SH3BGR: variants seen among roughly 807,000 people sequenced by gnomAD.
The protein encoded by SH3BGR is SH3 domain binding glutamate rich protein.
Under a neutral mutation model 24.5 loss-of-function variants are expected in SH3BGR, and 29 were observed. The ratio of observed to expected loss-of-function variants is 1.18; its 90% CI spans 0.88 to 1.61. SH3BGR has a LOEUF of 1.61. Among genes scored for constraint, SH3BGR ranks in the 40% most tolerant of loss-of-function variants. The pLI is 0.00. For missense variants in SH3BGR, 162 were observed against 205.8 expected (o/e 0.79, Z 1.30); for synonymous variants, 55 against 65.7 (o/e 0.84, Z 0.79).
chr21:39,451,791 G>C, upstream of SH3BGR: 1 of 1,156,936 alleles, frequency 8.6e-7, no homozygotes. Flanking sequence ...TTTAGGGACT[G>C]TTGTCGCGCG....
At chr21:39,505,871 G>T (rs928705797) in intron 4 of SH3BGR, among the ~76,000 whole-genome samples, 41 of 152,224 alleles carry the variant, frequency 2.7e-4, no homozygotes, top group African/African-American at 9.6e-4. Flanking sequence ...CTAGCTCTAC[G>T]GTTGACAGTA....
At chr21:39,480,001 C>T (rs1261120752) in intron 3 of SH3BGR, among the ~76,000 whole-genome samples, 2 of 152,140 alleles carry the variant, frequency 1.3e-5, no homozygotes, top group African/African-American at 4.8e-5. Flanking sequence ...TTTTCAGCTT[C>T]TCATGATTAA....
chr21:39,465,609 A>G lies in SH3BGR; in HGVS notation c.231+3049A>G, dbSNP rs188274200. On this transcript the variant is annotated intron_variant, in intron 2 of 6. Transcript: ENST00000333634. The stretch of plus-strand genomic sequence containing the variant: ...TGCTTATTTTATTTGTTTTAATTTT[A>G]TGATAGGGTCTCACTGTGTCACCCA... Among the ~76,000 whole-genome samples the G allele has an allele frequency of 2.7e-3, 414 of 152,098 alleles. 2 individuals are homozygous for G. Among genetic ancestry groups the G allele is most frequent in the African/African-American group, 9.0e-3 (374 of 41,490 alleles).
intron 3 of SH3BGR, chr21:39,488,736 C>T (rs1012999923): frequency 2.4e-5 from 11 of 452,842 alleles, no homozygotes; most frequent in East Asian, 1.3e-4. Flanking sequence ...TGCTGGCGGC[C>T]GGGCATGAGG....
rs147055846 is a variant in SH3BGR, at chr21:39,487,405, A to G, written c.312+12190A>G. On this transcript the variant is annotated intron_variant, in intron 3 of 6. Transcript: ENST00000333634. ...TGATCCTCCCACCCCAGCCTCCCAAAGTGCTGGGATTATATACAGGTGTGA... is the reference window on the plus strand; with the variant it reads ...TGATCCTCCCACCCCAGCCTCCCAAGGTGCTGGGATTATATACAGGTGTGA... Among the ~76,000 whole-genome samples, 400 of 152,248 alleles carry G rather than the reference A, an allele frequency of 2.6e-3. 3 individuals carry two copies. Among genetic ancestry groups the G allele is most frequent in the African/African-American group, 9.0e-3 (372 of 41,534 alleles).
At chr21:39,504,922 T>C (rs1569174710) in intron 4 of SH3BGR, among the ~76,000 whole-genome samples, 2 of 152,146 alleles carry the variant, frequency 1.3e-5, no homozygotes, top group Non-Finnish European at 2.9e-5. Flanking sequence ...GAGTGATTCT[T>C]CCACGTCAGC....
intron 1 of SH3BGR, among the ~76,000 whole-genome samples, chr21:39,456,721 T>C (rs2077660888): frequency 6.6e-6 from 1 of 152,300 alleles, no homozygotes; most frequent in Admixed American, 6.5e-5. Flanking sequence ...TCCTGGGGAA[T>C]TACCAGAGTC....
At chr21:39,499,277 T>C (rs1338546111) in intron 3 of SH3BGR, among the ~76,000 whole-genome samples, 3 of 152,142 alleles carry the variant, frequency 2.0e-5, no homozygotes, top group Admixed American at 2.0e-4. Context: ...TGTCTATCTA[T>C]CTATGTCTGT....
At chr21:39,452,849 A>G (rs2077596287) in intron 1 of SH3BGR, among the ~76,000 whole-genome samples, 1 of 152,192 alleles carries the variant, frequency 6.6e-6, no homozygotes, top group African/African-American at 2.4e-5. Flanking sequence ...AGGGGTGATG[A>G]AGTGACACAT....
rs201195965 is a variant in SH3BGR at position 39,499,795 on chromosome 21, T to G, written c.313-28T>G. ...TTTTTTCTTTTTTCTGTTTTTGAGC[T>G]CATATCCTGGGTTTCCTTTATGACC... is the stretch of plus-strand genomic sequence containing the variant. On this transcript the variant is annotated intron_variant, in intron 3 of 6. Transcript: ENST00000333634. 35 of 1,537,234 alleles carry G rather than the reference T, an allele frequency of 2.3e-5. No homozygotes were observed. In the African/African-American group the frequency reaches 3.9e-4, roughly 17 times the overall value.
chr21:39,464,921 A>C (rs2077815602), intron 2 of SH3BGR, among the ~76,000 whole-genome samples: 2 of 152,178 alleles, frequency 1.3e-5, no homozygotes, highest in Admixed American at 1.3e-4. Context: ...ATATATGCCC[A>C]CTGAAAAATT....
chr21:39,479,241 G>GTGA lies in SH3BGR; in HGVS notation c.312+4028_312+4029insATG, dbSNP rs1459674379. Among the ~76,000 whole-genome samples the GTGA allele has an allele frequency of 7.9e-3, 1,168 of 147,588 alleles. 18 individuals are homozygous for GTGA. Among genetic ancestry groups the GTGA allele is most frequent in the African/African-American group, 0.027 (1,103 of 40,512 alleles). ...GGTGGTAAGGGTGGTGGTGGTGGTG[G>GTGA]TGGTGGTGGTGGTGGTGATGGTAGT... On this transcript the variant is annotated intron_variant, in intron 3 of 6. Coordinates refer to ENST00000333634, the MANE Select transcript of SH3BGR (RefSeq NM_007341.3).
chr21:39,499,329 CGTCT>C (rs1042502056), intron 3 of SH3BGR, among the ~76,000 whole-genome samples: 17 of 145,356 alleles, frequency 1.2e-4, no homozygotes, highest in South Asian at 4.2e-4. Context: ...TCCATTCCTC[CGTCT>C]GTCTGTCTGT....
intron 3 of SH3BGR, among the ~76,000 whole-genome samples, chr21:39,492,466 G>GTGTGTATATATATA (rs1404293146): frequency 1.1e-4 from 16 of 139,784 alleles, no homozygotes; most frequent in African/African-American, 4.3e-4. Flanking sequence ...GTGTGTGTGT[G>GTGTGTATATATATA]TATATATATA....
intron 4 of SH3BGR, among the ~76,000 whole-genome samples, chr21:39,507,227 G>A (rs576168251): frequency 1.3e-5 from 2 of 152,318 alleles, no homozygotes; most frequent in East Asian, 1.9e-4. Flanking sequence ...TTCAGTGCCC[G>A]TCTCAGAAAT....
At chr21:39,461,817 A>G (rs1315563704) in intron 1 of SH3BGR, among the ~76,000 whole-genome samples, 1 of 152,086 alleles carries the variant, frequency 6.6e-6, no homozygotes, top group Non-Finnish European at 1.5e-5. Flanking sequence ...TAGTTTTAAC[A>G]GTTGATTATA....
At chr21:39,466,049 G>C (rs2077836048) in intron 2 of SH3BGR, among the ~76,000 whole-genome samples, 1 of 152,192 alleles carries the variant, frequency 6.6e-6, no homozygotes, top group African/African-American at 2.4e-5. Context: ...TATCCGGTAT[G>C]AGTGTGTATA....
At chr21:39,457,367 A>G (rs868177500) in intron 1 of SH3BGR, among the ~76,000 whole-genome samples, 3 of 143,566 alleles carry the variant, frequency 2.1e-5, no homozygotes, top group Non-Finnish European at 3.0e-5. Context: ...TAAATCTTAT[A>G]TATAAGATTA....
At chr21:39,508,317 T>C (rs770628956) in intron 4 of SH3BGR, among the ~76,000 whole-genome samples, 8 of 152,200 alleles carry the variant, frequency 5.3e-5, no homozygotes, top group Non-Finnish European at 1.5e-5. Flanking sequence ...GGAAAAGCTT[T>C]TGTTTTCTTC....
Sources: allele counts gnomAD v4.1 joint callset (sites outside exome capture counted in the v4.1 genomes callset), GRCh38; gene constraint gnomAD v4.1.1; transcripts MANE v1.5; gene names NCBI Gene and HGNC (gene_info 2026-07-23, HGNC 2026-07-21).